The following TP53BP1 variants were observed in gnomAD, a reference collection of about 807,000 sequenced individuals.
TP53BP1 encodes tumor protein p53 binding protein 1, also known as TP53-binding protein 1.
A neutral mutation model predicts 200.8 loss-of-function variants in TP53BP1; 61 were observed. That is an observed-to-expected ratio of 0.30 (90% CI 0.25 to 0.38). TP53BP1 has a LOEUF of 0.38. TP53BP1 is among the 10% of genes least tolerant of loss of function. The pLI is 1.00. For missense variants in TP53BP1, 2,144 were observed against 2,371.9 expected, an observed-to-expected ratio of 0.90 and a Z score of 2.00; for synonymous variants, 822 against 844.3, an observed-to-expected ratio of 0.97 and a Z score of 0.46.
chr15:43,417,982 C>G (rs557346267), intron 21 of TP53BP1, among the ~76,000 whole-genome samples: 4 of 151,648 alleles, frequency 2.6e-5, no homozygotes, highest in Admixed American at 2.6e-4. Context: ...GAATTCAAGA[C>G]CAGCCTGACC....
chr15:43,479,741 C>T (rs952541745), intron 6 of TP53BP1, 118 bp downstream of exon 6: 11 of 1,336,608 alleles, frequency 8.2e-6, no homozygotes, highest in Non-Finnish European at 1.1e-5. Flanking sequence ...TTCAACCTTA[C>T]TAAATTACTT....
chr15:43,407,746 C>T (rs2044959755), intron 27 of TP53BP1, 176 bp from the exon 28 acceptor site: 2 of 781,688 alleles, frequency 2.6e-6, no homozygotes, highest in Non-Finnish European at 4.0e-6. Context: ...TATGTGCTGA[C>T]CTTGTAGAAA....
Position 43,428,009 on chromosome 15 carries a change from G to GT in TP53BP1, c.3828+6dup. ...AATTTGCCACACAGACTCAGAGTAT[G>GT]TATTACCTCAGTTACTTTTCTTTCT... is the stretch of plus-strand genomic sequence containing the variant. On this transcript the variant is annotated splice_region_variant and intron_variant, in intron 18 of 27. Transcript: ENST00000382044. The GT allele has an allele frequency of 6.5e-7, 1 of 1,549,712 alleles. No homozygotes were observed. The highest frequency in any genetic ancestry group is 8.9e-7 in the Non-Finnish European group (1 of 1,128,604).
At chr15:43,510,185 G>T (rs1302424174) in intron 1 of TP53BP1, among the ~76,000 whole-genome samples, 2 of 144,104 alleles carry the variant, frequency 1.4e-5, no homozygotes, top group Admixed American at 6.9e-5. Context: ...GGGAGGGGGG[G>T]AAGTAATACA....
At chr15:43,453,583 T>A (rs1262887802) in intron 12 of TP53BP1, among the ~76,000 whole-genome samples, 1 of 143,396 alleles carries the variant, frequency 7.0e-6, no homozygotes, top group Non-Finnish European at 1.6e-5. Context: ...AAATAGGGAC[T>A]TTTTTTTTTT....
rs2140116053 is a variant in TP53BP1, at chr15:43,477,644, G to A, written c.904C>T (p.Pro302Ser). ...TCTTCCTGAGTTGACAAAACCTCAG[G>A]CTCTGGTGACTTCTGAATCTGCAGT... Reference protein sequence around the residue: ...SGLQIQKSPEPEVLSTQEDLF... With the variant: ...SGLQIQKSPESEVLSTQEDLF... The change falls in exon 8 of 28, where the codon CCT becomes TCT. Residue 302 changes from proline to serine, a missense_variant. Around this residue, in one of 4 missense-constraint regions of TP53BP1, gnomAD observed 1,700 missense variants for 1,710.3 expected, o/e 0.99. Coordinates refer to ENST00000382044, the MANE Select transcript of TP53BP1 (RefSeq NM_001141980.3). The A allele has an allele frequency of 1.2e-6, 2 of 1,613,800 alleles. No individual in the cohort carries two copies. The highest frequency in any genetic ancestry group is 2.2e-5 in the East Asian group (1 of 44,844).
chr15:43,417,950 C>A (rs910573050), intron 21 of TP53BP1, among the ~76,000 whole-genome samples: 1 of 151,922 alleles, frequency 6.6e-6, no homozygotes, highest in African/African-American at 2.4e-5. Flanking sequence ...GAGGCTGGGG[C>A]GGGTGGATGG....
At chr15:43,501,628 C>T (rs1366206000) in intron 1 of TP53BP1, among the ~76,000 whole-genome samples, 1 of 152,168 alleles carries the variant, frequency 6.6e-6, no homozygotes, top group African/African-American at 2.4e-5. Context: ...CAGTCAATCC[C>T]CATTCCACAA....
Position 43,404,929 on chromosome 15 carries a change from C to T in TP53BP1, c.*2454G>A. The T allele has an allele frequency of 3.8e-6, 2 of 530,712 alleles. No individual in the cohort carries two copies. The highest frequency in any genetic ancestry group is 6.6e-6 in the Non-Finnish European group (2 of 301,578). The allele number at this position is 530,712 out of a possible 1,614,324, so 32.9% of individuals were successfully genotyped here. A position where few individuals can be genotyped will look rare whatever the true frequency, so the allele number is the denominator to read the frequency against. On this transcript the variant is annotated 3_prime_UTR_variant, in exon 28 of 28. Coordinates refer to ENST00000382044, the MANE Select transcript of TP53BP1 (RefSeq NM_001141980.3). The stretch of plus-strand genomic sequence containing the variant: ...GAAAGGAGGCGACCACCCCTTCTAA[C>T]TCTAAACTTTAAAAAAAACTGATAC...
chr15:43,445,659 A>G (rs565921833), intron 14 of TP53BP1, among the ~76,000 whole-genome samples: 4 of 152,304 alleles, frequency 2.6e-5, no homozygotes, highest in Non-Finnish European at 5.9e-5. Flanking sequence ...TGGAAATGAG[A>G]TCATACAGTA....
At chr15:43,480,722 C>T (rs1303362892) in intron 5 of TP53BP1, among the ~76,000 whole-genome samples, 173 bp downstream of exon 5, 1 of 152,104 alleles carries the variant, frequency 6.6e-6, no homozygotes, top group Non-Finnish European at 1.5e-5. Context: ...ACTACAAATT[C>T]CTGAATACCA....
rs1479410851 is a variant in TP53BP1, at chr15:43,469,187, T to C, written c.1389+671A>G. On this transcript the variant is annotated intron_variant, in intron 11 of 27. Transcript: ENST00000382044. ...AACTCAGTATGAAACCTGAATTTCA[T>C]TTCTTTAAATATTTAAATTTAAAAT... 2.6e-5 allele frequency among the ~76,000 whole-genome samples: 4 copies of C among 152,170 alleles called. No homozygotes were observed. The East Asian group carries it at 7.7e-4, about 29-fold the overall frequency.
rs747643715 is a variant in TP53BP1, at chr15:43,446,397, G to T, written c.3030C>A (p.Phe1010Leu). ...TAACATAAAACTTACTTTCCAGGTT[G>T]AACTGCAAAGACTCTTCACTCGCCT... ...ETEASEESLQ[F>L]NLEKPATGER... The change falls in exon 14 of 28, where the codon TTC (phenylalanine) becomes TTA (leucine). Residue 1010 changes from phenylalanine to leucine, a missense_variant. Around this residue, in one of 4 missense-constraint regions of TP53BP1, gnomAD observed 1,700 missense variants for 1,710.3 expected, o/e 0.99. Coordinates refer to ENST00000382044, the MANE Select transcript of TP53BP1 (RefSeq NM_001141980.3). The T allele has an allele frequency of 1.9e-6, 3 of 1,613,636 alleles. No homozygotes were observed. The Admixed American group carries it at 5.0e-5, about 27-fold the overall frequency.
intron 19 of TP53BP1, 72 bp from the exon 20 acceptor site, chr15:43,421,246 C>T: frequency 1.3e-6 from 2 of 1,530,438 alleles, no homozygotes; most frequent in South Asian, 2.4e-5. Flanking sequence ...CTCCCCTTGG[C>T]CCTCAGACTA....
intron 4 of TP53BP1, among the ~76,000 whole-genome samples, chr15:43,486,193 A>G (rs556182960): frequency 2.0e-5 from 3 of 152,216 alleles, no homozygotes; most frequent in African/African-American, 7.2e-5. Context: ...CCTGACGAAC[A>G]TGGAGAAACC....
chr15:43,423,797 A>G (rs944293762), intron 18 of TP53BP1, among the ~76,000 whole-genome samples: 5 of 152,016 alleles, frequency 3.3e-5, no homozygotes, highest in Non-Finnish European at 5.9e-5. Context: ...AAAATCCATA[A>G]AAGTACTTTT....
intron 17 of TP53BP1, among the ~76,000 whole-genome samples, chr15:43,429,558 CAT>C (rs1177700793): frequency 2.0e-5 from 3 of 151,926 alleles, no homozygotes; most frequent in East Asian, 1.9e-4. Context: ...TTTTTCCTGA[CAT>C]GTGGTAGTAA....
chr15:43,446,297 T>C (rs1273667882), intron 14 of TP53BP1, 90 bp downstream of exon 14: 8 of 980,138 alleles, frequency 8.2e-6, no homozygotes, highest in East Asian at 5.3e-5. Flanking sequence ...TTTATAAATA[T>C]AGAAGTATCA....
Position 43,457,137 on chromosome 15 carries a change from T to C in TP53BP1, c.1471A>G (p.Thr491Ala), listed in dbSNP as rs776324837. ...KDGDMHSSSL[T>A]VECSKTSEIE... ...TCTGAAGTTTTAGAACACTCAACTG[T>C]CAAAGATGAACTATGCATATCTCCA... Residue 491 changes from threonine to alanine, a missense_variant, in exon 12 of 28, where the codon ACA (threonine) becomes GCA (alanine). This residue lies in a region of TP53BP1 where 1,700 missense variants were observed against 1,710.3 expected (regional missense o/e 0.99). Transcript: ENST00000382044. 1.1e-5 allele frequency: 18 copies of C among 1,613,954 alleles called. No individual in the cohort carries two copies. The highest frequency in any genetic ancestry group is 8.5e-6 in the Non-Finnish European group (10 of 1,179,942).
Sources: gnomAD v4.1 joint callset for allele counts (sites outside exome capture counted in the v4.1 genomes callset) on GRCh38, gnomAD v4.1.1 for gene constraint, gnomAD v4.1.1 regional missense constraint, MANE v1.5 for transcripts, NCBI Gene and HGNC (gene_info 2026-07-23, HGNC 2026-07-21) for gene names.